LRRC4C: variants seen among roughly 807,000 people sequenced by gnomAD.
The protein encoded by LRRC4C is leucine rich repeat containing 4C, also known as leucine-rich repeat-containing protein 4C.
LRRC4C carries 5 observed loss-of-function variants against 33.6 expected under a neutral mutation model. The ratio of observed to expected loss-of-function variants is 0.15; its 90% CI spans 0.08 to 0.31. The LOEUF (loss-of-function observed/expected upper bound fraction) is 0.31, where lower values mean the gene tolerates loss of function less well. Among genes scored for constraint, LRRC4C ranks in the 10% least tolerant of loss-of-function variants. The pLI is 1.00. For synonymous variants in LRRC4C, 329 were observed against 302.0 expected (o/e 1.09, Z -0.93); for missense variants, 560 against 796.7 (o/e 0.70, Z 3.58).
intron 2 of LRRC4C, among the ~76,000 whole-genome samples, chr11:40,750,127 C>T (rs1948608661): frequency 6.6e-6 from 1 of 151,986 alleles, no homozygotes; most frequent in East Asian, 1.9e-4. Context: ...GAGGCTGAGG[C>T]AGGAGAATCA....
At chr11:41,085,976 C>G (rs1033836431) in intron 1 of LRRC4C, among the ~76,000 whole-genome samples, 1 of 149,242 alleles carries the variant, frequency 6.7e-6, no homozygotes, top group Non-Finnish European at 1.5e-5. Flanking sequence ...AAAACTGAAT[C>G]CTTCCACCCA....
In LRRC4C at chr11:40,452,279, C is replaced by T. The variant is rs541008899; in HGVS notation, c.-269-132558G>A. ...TGGGAGAAAATTTTTGCAGTCTACT[C>T]ATCTGACAAAGGGCTAATATCCAGA... On this transcript the variant is annotated intron_variant, in intron 3 of 6. Transcript: ENST00000528697. Among the ~76,000 whole-genome samples, 7 of 152,246 alleles carry T rather than the reference C, an allele frequency of 4.6e-5. No individual in the cohort carries two copies. The East Asian group carries it at 1.4e-3, about 29-fold the overall frequency.
intron 5 of LRRC4C, among the ~76,000 whole-genome samples, chr11:40,222,396 A>G (rs1864485467): frequency 6.6e-6 from 1 of 152,232 alleles, no homozygotes; most frequent in African/African-American, 2.4e-5. Context: ...TACTATTACT[A>G]TGCTATTATT....
chr11:40,754,502 C>A (rs921994702), intron 2 of LRRC4C, among the ~76,000 whole-genome samples: 1 of 152,050 alleles, frequency 6.6e-6, no homozygotes, highest in Admixed American at 6.6e-5. Flanking sequence ...TTATGTTCAG[C>A]GTCTTGTTGA....
intron 1 of LRRC4C, among the ~76,000 whole-genome samples, chr11:41,407,515 T>G (rs1591449914): frequency 6.6e-6 from 1 of 152,232 alleles, no homozygotes; most frequent in East Asian, 1.9e-4. Context: ...TTGCCTAGGC[T>G]GATCTTGAGC....
At chr11:40,949,076 G>A (rs1399442451) in intron 1 of LRRC4C, among the ~76,000 whole-genome samples, 1 of 151,988 alleles carries the variant, frequency 6.6e-6, no homozygotes, top group Non-Finnish European at 1.5e-5. Context: ...GGTGTGAGAT[G>A]ATATCTCATT....
At chr11:41,280,408 C>G (rs1355824317) in intron 1 of LRRC4C, among the ~76,000 whole-genome samples, 2 of 152,144 alleles carry the variant, frequency 1.3e-5, no homozygotes, top group Non-Finnish European at 2.9e-5. Flanking sequence ...ACCAAGAAGG[C>G]TAATTTGTGA....
intron 3 of LRRC4C, among the ~76,000 whole-genome samples, chr11:40,527,933 G>A (rs1267686300): frequency 1.3e-5 from 2 of 151,908 alleles, no homozygotes; most frequent in African/African-American, 4.8e-5. Context: ...CTTAGTAGAG[G>A]TGGGGTTTCT....
chr11:40,822,394 T>A (rs1447058138), intron 2 of LRRC4C, among the ~76,000 whole-genome samples: 1 of 151,744 alleles, frequency 6.6e-6, no homozygotes, highest in African/African-American at 2.4e-5. Context: ...ACAACCTTTT[T>A]TAAAAAATCC....
chr11:41,173,240 G>T (rs993351932), intron 1 of LRRC4C, among the ~76,000 whole-genome samples: 2 of 152,114 alleles, frequency 1.3e-5, no homozygotes, highest in Admixed American at 1.3e-4. Flanking sequence ...CATTATGATT[G>T]TCTAGGACTA....
intron 1 of LRRC4C, among the ~76,000 whole-genome samples, chr11:41,207,150 C>A (rs1196694838): frequency 1.3e-5 from 2 of 152,008 alleles, no homozygotes; most frequent in African/African-American, 4.8e-5. Flanking sequence ...GTCAAAGGAG[C>A]CTAAAGGACT....
intron 3 of LRRC4C, among the ~76,000 whole-genome samples, chr11:40,483,014 A>C (rs1438647793): frequency 5.3e-5 from 8 of 152,184 alleles, no homozygotes; most frequent in Non-Finnish European, 1.0e-4. Flanking sequence ...CTCACAAAGA[A>C]AGTCCCCATT....
intron 3 of LRRC4C, among the ~76,000 whole-genome samples, chr11:40,517,992 C>A (rs543811031): frequency 2.4e-4 from 36 of 152,040 alleles, no homozygotes; most frequent in African/African-American, 7.7e-4. Context: ...ACAAACCTGA[C>A]AAAATAAGCA....
chr11:40,552,454 G>T (rs1021532181), intron 3 of LRRC4C, among the ~76,000 whole-genome samples: 3 of 152,100 alleles, frequency 2.0e-5, no homozygotes, highest in South Asian at 4.1e-4. Context: ...GTCTTTGATG[G>T]AATCCTGAGT....
At chr11:41,357,299 A>AT (rs1952197492) in intron 1 of LRRC4C, among the ~76,000 whole-genome samples, 1 of 152,144 alleles carries the variant, frequency 6.6e-6, no homozygotes, top group Non-Finnish European at 1.5e-5. Flanking sequence ...TATGTAGATA[A>AT]TTTTTTTAAT....
intron 3 of LRRC4C, among the ~76,000 whole-genome samples, chr11:40,417,322 T>G (rs1460928221): frequency 1.6e-5 from 1 of 61,750 alleles, no homozygotes; most frequent in East Asian, 6.8e-4. Flanking sequence ...GAGACATGAT[T>G]TTTTTTTTAT....
At chr11:40,339,038 CA>C (rs2136995891) in intron 3 of LRRC4C, among the ~76,000 whole-genome samples, 1 of 152,328 alleles carries the variant, frequency 6.6e-6, no homozygotes, top group East Asian at 1.9e-4. Flanking sequence ...GGTGTTTTCA[CA>C]CCTTTTCCTC....
intron 2 of LRRC4C, among the ~76,000 whole-genome samples, chr11:40,917,179 G>A (rs1013670941): frequency 6.6e-6 from 1 of 152,020 alleles, no homozygotes; most frequent in Admixed American, 6.6e-5. Context: ...TCATTTGTAA[G>A]TTCCAAAGTT....
At chr11:40,966,059 T>C (rs1223753890) in intron 1 of LRRC4C, among the ~76,000 whole-genome samples, 1 of 152,052 alleles carries the variant, frequency 6.6e-6, no homozygotes, top group Non-Finnish European at 1.5e-5. Flanking sequence ...CAGTGGTTTG[T>C]AGTTCTCCTT....
Sources: allele counts gnomAD v4.1 joint callset (sites outside exome capture counted in the v4.1 genomes callset), GRCh38; gene constraint gnomAD v4.1.1; transcripts MANE v1.5; gene names NCBI Gene and HGNC (gene_info 2026-07-23, HGNC 2026-07-21).